The following DGKB variants were observed in gnomAD, a reference collection of about 807,000 sequenced individuals.
The protein encoded by DGKB is diacylglycerol kinase beta, also known as 90 kDa diacylglycerol kinase.
In DGKB, 67 loss-of-function variants were observed where a neutral mutation model predicts 114.3. That is an observed-to-expected ratio of 0.59 (90% CI 0.48 to 0.72). DGKB has a LOEUF of 0.72. Among genes scored for constraint, DGKB ranks in the 30% least tolerant of loss-of-function variants. DGKB has a pLI of 0.00. For synonymous variants in DGKB, 398 were observed against 323.1 expected (o/e 1.23, Z -2.49); for missense variants, 907 against 975.2 (o/e 0.93, Z 0.93).
chr7:14,416,207 C>T (rs1825708721), intron 21 of DGKB, among the ~76,000 whole-genome samples: 1 of 151,830 alleles, frequency 6.6e-6, no homozygotes, highest in Non-Finnish European at 1.5e-5. Flanking sequence ...AACATTTTCT[C>T]CCATTCTGTA....
chr7:14,932,099 G>C (rs1785049694), intron 1 of DGKB, among the ~76,000 whole-genome samples: 1 of 152,152 alleles, frequency 6.6e-6, no homozygotes, highest in Non-Finnish European at 1.5e-5. Context: ...CAGTCTCCCA[G>C]CTGCTACCCA....
At chr7:14,273,561 T>C (rs997798382) in intron 23 of DGKB, among the ~76,000 whole-genome samples, 48 of 152,212 alleles carry the variant, frequency 3.2e-4, no homozygotes, top group Non-Finnish European at 1.5e-4. Context: ...CATTGTTGTA[T>C]TGACACAAGG....
chr7:14,783,255 A>G (rs984444303), intron 2 of DGKB, among the ~76,000 whole-genome samples: 2 of 152,236 alleles, frequency 1.3e-5, no homozygotes, highest in Non-Finnish European at 2.9e-5. Flanking sequence ...TCTACAGGAT[A>G]TGGTTATTCA....
intron 1 of DGKB, among the ~76,000 whole-genome samples, chr7:14,858,912 T>G (rs1268200929): frequency 6.6e-6 from 1 of 152,184 alleles, no homozygotes; most frequent in Non-Finnish European, 1.5e-5. Flanking sequence ...GTGCCTCAGA[T>G]TTCAATAATC....
At chr7:14,796,517 G>A (rs965111740) in intron 2 of DGKB, among the ~76,000 whole-genome samples, 2 of 152,050 alleles carry the variant, frequency 1.3e-5, no homozygotes, top group African/African-American at 4.8e-5. Flanking sequence ...AATCAGAGAT[G>A]AAACATGGCT....
Position 14,354,242 on chromosome 7 carries a change from T to C in DGKB, c.1836-8851A>G, listed in dbSNP as rs903130744. 6.6e-5 allele frequency among the ~76,000 whole-genome samples: 10 copies of C among 152,344 alleles called. No homozygotes were observed. In the South Asian group the frequency reaches 2.1e-3, roughly 32 times the overall value. ...GCAAAATGTAATAAGGTATGTGTTCTTGTATACACAAAAAGCTGTAGTTTA... is the reference window on the plus strand; with the variant it reads ...GCAAAATGTAATAAGGTATGTGTTCCTGTATACACAAAAAGCTGTAGTTTA... On this transcript the variant is annotated intron_variant, in intron 21 of 25. Coordinates refer to ENST00000402815, the MANE Select transcript of DGKB (RefSeq NM_001350709.2).
intron 20 of DGKB, among the ~76,000 whole-genome samples, chr7:14,566,076 T>C (rs887752993): frequency 1.3e-5 from 2 of 152,124 alleles, no homozygotes; most frequent in Admixed American, 6.6e-5. Flanking sequence ...ATTATACTTA[T>C]ATAATTTAAT....
At chr7:14,585,360 T>C (rs1309542025) in intron 17 of DGKB, among the ~76,000 whole-genome samples, 1 of 152,180 alleles carries the variant, frequency 6.6e-6, no homozygotes, top group Admixed American at 6.5e-5. Context: ...CACTGCCCTT[T>C]CTAATTTACA....
chr7:14,293,588 A>C (rs1802092022), intron 23 of DGKB, among the ~76,000 whole-genome samples: 1 of 152,190 alleles, frequency 6.6e-6, no homozygotes, highest in South Asian at 2.1e-4. Context: ...TGTCATCACC[A>C]AAAATAACTA....
intron 2 of DGKB, among the ~76,000 whole-genome samples, chr7:14,769,259 A>C (rs992348310): frequency 8.2e-6 from 1 of 122,602 alleles, no homozygotes; most frequent in Non-Finnish European, 1.6e-5. Flanking sequence ...AGAAAGAAAG[A>C]AAGAAAGAAA....
chr7:14,634,147 T>A (rs1054165935), intron 13 of DGKB, among the ~76,000 whole-genome samples: 1 of 150,962 alleles, frequency 6.6e-6, no homozygotes, highest in South Asian at 2.1e-4. Flanking sequence ...ACATTTATAT[T>A]TTTATATATA....
At chr7:14,723,695 T>A (rs927800373) in intron 5 of DGKB, among the ~76,000 whole-genome samples, 4 of 152,188 alleles carry the variant, frequency 2.6e-5, no homozygotes, top group Admixed American at 2.0e-4. Context: ...GGAATAATTA[T>A]CTTGTACTTA....
chr7:14,296,165 G>A (rs1429582402), intron 23 of DGKB, among the ~76,000 whole-genome samples: 2 of 151,778 alleles, frequency 1.3e-5, no homozygotes, highest in African/African-American at 2.4e-5. Context: ...CTGAGTAGCT[G>A]GGACTACAGG....
At chr7:14,889,049 A>G (rs1780755078) in intron 1 of DGKB, among the ~76,000 whole-genome samples, 1 of 151,678 alleles carries the variant, frequency 6.6e-6, no homozygotes. Context: ...GCCAGTCCAC[A>G]AAAGACTCTA....
intron 23 of DGKB, among the ~76,000 whole-genome samples, chr7:14,315,649 T>G (rs1747967955): frequency 6.8e-6 from 1 of 146,330 alleles, no homozygotes; most frequent in South Asian, 2.1e-4. Context: ...CTGAGTGACC[T>G]ACAAAGAGAC....
intron 20 of DGKB, among the ~76,000 whole-genome samples, chr7:14,513,774 T>G (rs908998846): frequency 7.9e-5 from 12 of 152,044 alleles, no homozygotes; most frequent in Admixed American, 7.9e-4. Context: ...TAATGTTTAG[T>G]TAAAGCAGAA....
chr7:14,585,567 A>G (rs533941814), intron 17 of DGKB, among the ~76,000 whole-genome samples: 2 of 152,172 alleles, frequency 1.3e-5, no homozygotes, highest in African/African-American at 2.4e-5. Context: ...ATCCATGTCA[A>G]TGGGCATTTC....
intron 1 of DGKB, among the ~76,000 whole-genome samples, chr7:14,876,928 T>C (rs76735741): frequency 6.6e-6 from 1 of 152,222 alleles, no homozygotes; most frequent in Non-Finnish European, 1.5e-5. Flanking sequence ...ATTAGCAATA[T>C]CCTCCAAATT....
chr7:14,941,195 G>C (rs1785552833), intron 1 of DGKB, among the ~76,000 whole-genome samples: 1 of 151,986 alleles, frequency 6.6e-6, no homozygotes, highest in African/African-American at 2.4e-5. Flanking sequence ...AAATAGAACT[G>C]ATTTTGTCAT....
Sources: gnomAD v4.1 joint callset for allele counts (sites outside exome capture counted in the v4.1 genomes callset) on GRCh38, gnomAD v4.1.1 for gene constraint, MANE v1.5 for transcripts, NCBI Gene and HGNC (gene_info 2026-07-23, HGNC 2026-07-21) for gene names.